Variants in POLR3H observed in about 807,000 individuals in gnomAD.
The protein encoded by POLR3H is DNA-directed RNA polymerase III subunit RPC8.
In POLR3H, 17 loss-of-function variants were observed where a neutral mutation model predicts 25.5. The ratio of observed to expected loss-of-function variants is 0.67; its 90% CI spans 0.46 to 1.00. The LOEUF (loss-of-function observed/expected upper bound fraction) is 1.00. POLR3H is among the 50% of genes least tolerant of loss of function. The pLI is 0.00. For synonymous variants in POLR3H, 129 were observed against 103.0 expected (o/e 1.25, Z -1.53); for missense variants, 274 against 265.0 (o/e 1.03, Z -0.24).
chr22:41,530,917 C>T lies in POLR3H; in HGVS notation c.360-29G>A, dbSNP rs1462242927. 3 of 1,609,844 alleles carry T rather than the reference C, an allele frequency of 1.9e-6. No homozygotes were observed. In the South Asian group the frequency reaches 3.3e-5, roughly 18 times the overall value. On this transcript the variant is annotated intron_variant, in intron 4 of 5. Transcript: ENST00000355209. ...AGGGGGTCCAGGGTCAAGGCAGCAA[C>T]CAGATAGTGGGAGGGGCTTCCCTCA...
Position 41,530,808 on chromosome 22 carries a change from T to TC in POLR3H, c.439dup (p.Glu147GlyfsTer13). On this transcript the variant is annotated frameshift_variant, in exon 5 of 6. Coordinates refer to ENST00000355209, the MANE Select transcript of POLR3H (RefSeq NM_001018050.4). LOFTEE classifies it high-confidence loss of function. ...CTCGTCCACCACCCGGAAGCGGATC[T>TC]CCTCGCCGGTGTCCATGTAGAGGTC... 1 of 1,614,108 alleles carries TC rather than the reference T, an allele frequency of 6.2e-7. No homozygotes were observed. The highest frequency in any genetic ancestry group is 8.5e-7 in the Non-Finnish European group (1 of 1,180,024).
At position 41,526,393 on chromosome 22, in the gene POLR3H, C is replaced by T. The variant is rs138837278; in HGVS notation, c.*2890G>A. On this transcript the variant is annotated 3_prime_UTR_variant, in exon 6 of 6. Transcript: ENST00000355209. The stretch of plus-strand genomic sequence containing the variant: ...ACATTGAAAACGGCAAGGCCAACTC[C>T]GTGCGCAATGCCGTCACTCAGGAGT... 9.0e-5 allele frequency: 146 copies of T among 1,613,868 alleles called. 1 individual carries two copies. The highest frequency in any genetic ancestry group is 2.7e-4 in the African/African-American group (20 of 75,060).
Position 41,527,241 on chromosome 22 carries a change from A to G in POLR3H, c.*2042T>C. The G allele has an allele frequency of 6.2e-7, 1 of 1,612,792 alleles. No individual in the cohort carries two copies. Among genetic ancestry groups the G allele is most frequent in the East Asian group, 2.2e-5 (1 of 44,880 alleles). The stretch of plus-strand genomic sequence containing the variant: ...GGCAGGTAGGGCCAGACAGGTGAGG[A>G]CGGTGCCCTCCTCTGCCTTATAACC... On this transcript the variant is annotated 3_prime_UTR_variant, in exon 6 of 6. Coordinates refer to ENST00000355209, the MANE Select transcript of POLR3H (RefSeq NM_001018050.4).
intron 2 of POLR3H, chr22:41,540,436 C>T (rs556184591): frequency 3.0e-5 from 14 of 473,846 alleles, no homozygotes; most frequent in East Asian, 2.6e-4. Context: ...TGAGGCCCCA[C>T]GTCTCCCAGC....
chr22:41,541,175 T>C (rs938965551), intron 1 of POLR3H, among the ~76,000 whole-genome samples: 5 of 152,174 alleles, frequency 3.3e-5, no homozygotes, highest in African/African-American at 9.7e-5. Context: ...ACCTGGCTCG[T>C]GTATTGGAAA....
At chr22:41,537,347 G>A (rs1475474003) in intron 2 of POLR3H, among the ~76,000 whole-genome samples, 2 of 152,184 alleles carry the variant, frequency 1.3e-5, no homozygotes, top group South Asian at 2.1e-4. Flanking sequence ...TGCTCCCAAG[G>A]CCCAGGCAAA....
At chr22:41,534,881 T>G (rs1601953992) in intron 2 of POLR3H, among the ~76,000 whole-genome samples, 1 of 124,068 alleles carries the variant, frequency 8.1e-6, no homozygotes, top group African/African-American at 3.0e-5. Flanking sequence ...GCAACAAGAG[T>G]GAAACTCTGT....
chr22:41,540,933 G>A (rs2066919415), intron 1 of POLR3H, 138 bp from the exon 2 acceptor site: 2 of 663,902 alleles, frequency 3.0e-6, no homozygotes, highest in Non-Finnish European at 5.2e-6. Flanking sequence ...ATGAGTTTGT[G>A]GAGGGGACCA....
intron 4 of POLR3H, 88 bp downstream of exon 4, chr22:41,532,006 G>A: frequency 8.3e-7 from 1 of 1,201,566 alleles, no homozygotes. Flanking sequence ...CAGGTTACAG[G>A]CCCCAAAGGC....
intron 2 of POLR3H, chr22:41,533,436 G>A (rs1443111105): frequency 1.1e-5 from 11 of 1,028,380 alleles, no homozygotes; most frequent in Admixed American, 4.1e-5. Context: ...AGTTCCCACC[G>A]TGAGGATAAG....
chr22:41,532,091 T>C lies in POLR3H; in HGVS notation c.359+3A>G. On this transcript the variant is annotated splice_donor_region_variant and intron_variant, in intron 4 of 5. Coordinates refer to ENST00000355209, the MANE Select transcript of POLR3H (RefSeq NM_001018050.4). Reference sequence around the variant, plus strand: ...ACAAACCACTTTAACCCTTGGAGGATACAACTTGGCTGGCTGCTGCAGTGA... The same window carrying C: ...ACAAACCACTTTAACCCTTGGAGGACACAACTTGGCTGGCTGCTGCAGTGA... The C allele has an allele frequency of 1.2e-6, 2 of 1,613,804 alleles. No homozygotes were observed. Among genetic ancestry groups the C allele is most frequent in the Non-Finnish European group, 1.7e-6 (2 of 1,179,748 alleles).
At chr22:41,534,536 G>C (rs2066808129) in intron 2 of POLR3H, among the ~76,000 whole-genome samples, 2 of 152,158 alleles carry the variant, frequency 1.3e-5, no homozygotes, top group Non-Finnish European at 2.9e-5. Flanking sequence ...CAGAGGCTGG[G>C]TGAAGGACAG....
Position 41,529,049 on chromosome 22 carries a change from C to T in POLR3H, c.*234G>A. ...AGGGTCCAGGAAGGGTCTTTTCAGTCAAGGTCAGTGGAGGCCCAACAGCCA... is the reference window on the plus strand; with the variant it reads ...AGGGTCCAGGAAGGGTCTTTTCAGTTAAGGTCAGTGGAGGCCCAACAGCCA... On this transcript the variant is annotated 3_prime_UTR_variant, in exon 6 of 6. Transcript: ENST00000355209. The T allele has an allele frequency of 5.3e-6, 3 of 569,368 alleles. No individual in the cohort carries two copies. Among genetic ancestry groups the T allele is most frequent in the Non-Finnish European group, 9.3e-6 (3 of 320,906 alleles). 35.3% of individuals were successfully genotyped at this position (569,368 alleles called of 1,614,324 possible). A position where few individuals can be genotyped will look rare whatever the true frequency, so the allele number is the denominator to read the frequency against.
In POLR3H at chr22:41,527,640, G is replaced by A. The variant is rs17367849; in HGVS notation, c.*1643C>T. On this transcript the variant is annotated 3_prime_UTR_variant, in exon 6 of 6. Transcript: ENST00000355209. ...GCTTCCAGGCTTGTAGATCTGAGCC[G>A]CTGAGATCTAGGACATGTGCCAGGG... 0.2 allele frequency: 159,902 copies of A among 800,990 alleles called. 19,042 individuals are homozygous for A. The highest frequency in any genetic ancestry group is 0.42 in the Admixed American group (14,477 of 34,174). The allele number at this position is 800,990 out of a possible 1,614,324, so 49.6% of individuals were successfully genotyped here.
rs2066626504 is a variant in POLR3H at position 41,527,508 on chromosome 22, T to C, written c.*1775A>G. On this transcript the variant is annotated 3_prime_UTR_variant, in exon 6 of 6. Transcript: ENST00000355209. Reference sequence around the variant, plus strand: ...CTGCCCGTGGCTGAGTTGGGCCTGGTTCTAGGCTGTGTCCACTGCAGCCCA... The same window carrying C: ...CTGCCCGTGGCTGAGTTGGGCCTGGCTCTAGGCTGTGTCCACTGCAGCCCA... 13 of 1,517,324 alleles carry C rather than the reference T, an allele frequency of 8.6e-6. No homozygotes were observed. Among genetic ancestry groups the C allele is most frequent in the Non-Finnish European group, 1.1e-5 (13 of 1,131,784 alleles). 94.0% of individuals were successfully genotyped at this position (1,517,324 alleles called of 1,614,324 possible).
At position 41,544,254 on chromosome 22, in the gene POLR3H, C is replaced by A; in HGVS notation, c.-153G>T. 2 of 591,436 alleles carry A rather than the reference C, an allele frequency of 3.4e-6. No individual in the cohort carries two copies. The highest frequency in any genetic ancestry group is 3.0e-6 in the Non-Finnish European group (1 of 329,248). 36.6% of individuals were successfully genotyped at this position (591,436 alleles called of 1,614,324 possible). On this transcript the variant is annotated 5_prime_UTR_variant, in exon 1 of 6. Coordinates refer to ENST00000355209, the MANE Select transcript of POLR3H (RefSeq NM_001018050.4). The stretch of plus-strand genomic sequence containing the variant: ...CACGGGGCGGTCTCGGGGGCCCGGT[C>A]CGGGCCATGCTCCGCTACTACAACA...
At chr22:41,536,425 C>T (rs895156120) in intron 2 of POLR3H, among the ~76,000 whole-genome samples, 3 of 151,490 alleles carry the variant, frequency 2.0e-5, no homozygotes, top group African/African-American at 7.3e-5. Context: ...AGGTGGATGG[C>T]GGTGAAGGTT....
At chr22:41,532,826 T>C in intron 2 of POLR3H, 81 bp from the exon 3 acceptor site, 1 of 1,485,678 alleles carries the variant, frequency 6.7e-7, no homozygotes, top group Non-Finnish European at 9.2e-7. Flanking sequence ...CCAGCACACC[T>C]GGGGGCCTGT....
At position 41,528,427 on chromosome 22, in the gene POLR3H, C is replaced by G; in HGVS notation, c.*856G>C. On this transcript the variant is annotated 3_prime_UTR_variant, in exon 6 of 6. Coordinates refer to ENST00000355209, the MANE Select transcript of POLR3H (RefSeq NM_001018050.4). Reference sequence around the variant, plus strand: ...TGTCTCCCTGACCCCCCTGCGGGGCCAAGGGCACACAGTACCCACCACTTC... The same window carrying G: ...TGTCTCCCTGACCCCCCTGCGGGGCGAAGGGCACACAGTACCCACCACTTC... The G allele has an allele frequency of 6.3e-7, 1 of 1,596,128 alleles. No homozygotes were observed. The highest frequency in any genetic ancestry group is 1.1e-5 in the South Asian group (1 of 88,980).
Sources: gnomAD v4.1 joint callset for allele counts (sites outside exome capture counted in the v4.1 genomes callset) on GRCh38, gnomAD v4.1.1 for gene constraint, MANE v1.5 for transcripts, NCBI Gene and HGNC (gene_info 2026-07-23, HGNC 2026-07-21) for gene names.